The following MATN4 variants were observed in gnomAD, a reference collection of about 807,000 sequenced individuals.
The protein encoded by MATN4 is matrilin 4.
MATN4 carries 40 observed loss-of-function variants against 54.6 expected under a neutral mutation model. That is an observed-to-expected ratio of 0.73 (90% CI 0.57 to 0.95). The LOEUF (loss-of-function observed/expected upper bound fraction) is 0.95. Among genes scored for constraint, MATN4 ranks in the 40% least tolerant of loss-of-function variants. MATN4 has a pLI of 0.00. For synonymous variants in MATN4, 351 were observed against 345.3 expected, an observed-to-expected ratio of 1.02 and a Z score of -0.18; for missense variants, 810 against 819.1, an observed-to-expected ratio of 0.99 and a Z score of 0.13.
intron 3 of MATN4, among the ~76,000 whole-genome samples, chr20:45,302,488 A>C (rs1986293254): frequency 6.6e-6 from 1 of 152,260 alleles, no homozygotes; most frequent in Non-Finnish European, 1.5e-5. Flanking sequence ...TTCAGAAGAC[A>C]AAAATGAAGA....
At chr20:45,302,687 G>C (rs901349299) in intron 3 of MATN4, among the ~76,000 whole-genome samples, 1 of 152,198 alleles carries the variant, frequency 6.6e-6, no homozygotes, top group African/African-American at 2.4e-5. Flanking sequence ...ACAAAGAGCT[G>C]AGGTGCAGAG....
intron 3 of MATN4, 58 bp downstream of exon 3, chr20:45,304,170 G>A: frequency 7.3e-7 from 1 of 1,367,612 alleles, no homozygotes; most frequent in East Asian, 2.7e-5. Flanking sequence ...TGGTGGGAAA[G>A]GAATCCAAGC....
chr20:45,308,315 A>G, upstream of MATN4: 1 of 1,121,710 alleles, frequency 8.9e-7, no homozygotes, highest in Non-Finnish European at 1.4e-6. Flanking sequence ...ACACAGAGGC[A>G]ACGGCCGCAT....
Position 45,298,709 on chromosome 20 carries a change from T to C in MATN4, c.1013-126A>G. On this transcript the variant is annotated intron_variant, in intron 6 of 9. Coordinates refer to ENST00000372756, the MANE Select transcript of MATN4 (RefSeq NM_001393530.1). The surrounding 1 kb of genome is among the most constrained non-coding windows in gnomAD (Gnocchi z 4.6). ...GACAACATTTCCTGAGTCCTTCCTG[T>C]GCCAGGCAGTGTGCTAAGTAATAAT... 1 of 677,104 alleles carries C rather than the reference T, an allele frequency of 1.5e-6. No homozygotes were observed. The highest frequency in any genetic ancestry group is 2.4e-6 in the Non-Finnish European group (1 of 416,722). The allele number at this position is 677,104 out of a possible 1,614,324, so 41.9% of individuals were successfully genotyped here. A position where few individuals can be genotyped will look rare whatever the true frequency, so the allele number is the denominator to read the frequency against.
chr20:45,294,094 A>G (rs1402312090), intron 8 of MATN4, 79 bp from the exon 9 acceptor site: 4 of 1,098,358 alleles, frequency 3.6e-6, no homozygotes, highest in African/African-American at 3.1e-5. Flanking sequence ...CACTGGGCCT[A>G]TGGTTGAGTA....
chr20:45,296,200 G>A (rs1348969913), intron 8 of MATN4, among the ~76,000 whole-genome samples: 1 of 117,834 alleles, frequency 8.5e-6, no homozygotes, highest in Non-Finnish European at 1.6e-5. Flanking sequence ...GGATGACAGA[G>A]CGAGACTCCA....
intron 3 of MATN4, among the ~76,000 whole-genome samples, chr20:45,302,555 G>A (rs1460047196): frequency 6.6e-6 from 1 of 152,058 alleles, no homozygotes; most frequent in East Asian, 1.9e-4. Flanking sequence ...AGGATCTCTT[G>A]AGCCCAGGAG....
rs768272577 is a variant in MATN4, at chr20:45,298,274, C to T, written c.1322G>A (p.Gly441Asp). 1.9e-6 allele frequency: 3 copies of T among 1,613,440 alleles called. No homozygotes were observed. The highest frequency in any genetic ancestry group is 1.6e-4 in the Middle Eastern group (1 of 6,062). The change falls in exon 7 of 10, where the codon GGT (glycine) becomes GAT (aspartate). Residue 441 changes from glycine to aspartate, a missense_variant. Physicochemically the swap from Gly to Asp is moderately conservative, Grantham distance 94. Coordinates refer to ENST00000372756, the MANE Select transcript of MATN4 (RefSeq NM_001393530.1). The surrounding 1 kb of genome is among the most constrained non-coding windows in gnomAD (Gnocchi z 4.6). ...MVEHSFSEAQ[G>D]ARPRALNVPR... ...CACGTTAAGGGCACGGGGCCGTGCACCCTGCGCCTCGGAGAAGCTGTGCTC... is the reference window on the plus strand; with the variant it reads ...CACGTTAAGGGCACGGGGCCGTGCATCCTGCGCCTCGGAGAAGCTGTGCTC...
intron 6 of MATN4, among the ~76,000 whole-genome samples, chr20:45,300,396 C>T (rs1225252622): frequency 6.6e-6 from 1 of 152,072 alleles, no homozygotes; most frequent in Non-Finnish European, 1.5e-5. Context: ...TTTATCACAG[C>T]CCACAGTAAA....
chr20:45,307,781 C>G (rs1265664431), intron 1 of MATN4, among the ~76,000 whole-genome samples: 2 of 152,156 alleles, frequency 1.3e-5, no homozygotes, highest in African/African-American at 2.4e-5. Context: ...CTGAAGGGTA[C>G]ATGGCGATGT....
Position 45,303,082 on chromosome 20 carries a change from CAAAAAAA to C in MATN4, c.643+1139_643+1145del, listed in dbSNP as rs79635257. Among the ~76,000 whole-genome samples the C allele has an allele frequency of 4.4e-3, 368 of 82,918 alleles. 2 individuals are homozygous for C. The highest frequency in any genetic ancestry group is 5.9e-3 in the Admixed American group (43 of 7,344). The allele number at this position is 82,918 out of a possible 152,430, so 54.4% of individuals were successfully genotyped here. A position where few individuals can be genotyped will look rare whatever the true frequency, so the allele number is the denominator to read the frequency against. On this transcript the variant is annotated intron_variant, in intron 3 of 9. Transcript: ENST00000372756. ...TGGGCAATAGAGCCAGACTCTGTCT[CAAAAAAA>C]AAAAAAAAAAAAAAAGAGAGAGAGA...
At chr20:45,299,091 TC>T (rs1366467209) in intron 6 of MATN4, among the ~76,000 whole-genome samples, 1 of 152,218 alleles carries the variant, frequency 6.6e-6, no homozygotes. Flanking sequence ...GCCCCAGATT[TC>T]ATAGCTAGTA....
At chr20:45,297,763 G>A (rs1050566476) in intron 8 of MATN4, among the ~76,000 whole-genome samples, 155 bp downstream of exon 8, 11 of 152,208 alleles carry the variant, frequency 7.2e-5, no homozygotes, top group Admixed American at 2.0e-4. Flanking sequence ...CCGCCCTGCC[G>A]CTGGCCTGCA....
chr20:45,297,824 A>G (rs1985939771), intron 8 of MATN4, 94 bp downstream of exon 8: 19 of 1,495,216 alleles, frequency 1.3e-5, no homozygotes, highest in Non-Finnish European at 1.2e-5. Flanking sequence ...ACCTCTGGCT[A>G]TAACTACAAA....
At chr20:45,294,632 C>T (rs1256004793) in intron 8 of MATN4, among the ~76,000 whole-genome samples, 1 of 152,184 alleles carries the variant, frequency 6.6e-6, no homozygotes, top group Non-Finnish European at 1.5e-5. Flanking sequence ...TAGGTACTGC[C>T]TACCTTTTTG....
Position 45,301,085 on chromosome 20 carries a change from A to G in MATN4, c.889+17T>C, listed in dbSNP as rs1456314897. 1 of 1,614,094 alleles carries G rather than the reference A, an allele frequency of 6.2e-7. No homozygotes were observed. Among genetic ancestry groups the G allele is most frequent in the South Asian group, 1.1e-5 (1 of 91,078 alleles). On this transcript the variant is annotated intron_variant, in intron 5 of 9. Transcript: ENST00000372756. ...GATCTCTTACCCCTCCCACAAATGT[A>G]GGAGAGCCCTCCTCACCCTGACAGC...
At chr20:45,296,743 AG>A (rs1373092264) in intron 8 of MATN4, among the ~76,000 whole-genome samples, 2 of 152,150 alleles carry the variant, frequency 1.3e-5, no homozygotes, top group Non-Finnish European at 2.9e-5. Context: ...GAGAGCGGGG[AG>A]GGAAGGAGAG....
rs533358769 is a variant in MATN4 at position 45,308,222 on chromosome 20, C to T, written c.-82G>A. The stretch of plus-strand genomic sequence containing the variant: ...AGATGCAGCTGCAGAGCGAAGCCGA[C>T]AGGCGGAGCCTCCCGGGCACTTGGA... On this transcript the variant is annotated 5_prime_UTR_variant, in exon 1 of 10. Transcript: ENST00000372756. 8 of 1,613,808 alleles carry T rather than the reference C, an allele frequency of 5.0e-6. No homozygotes were observed. In the African/African-American group the frequency reaches 9.3e-5, roughly 19 times the overall value.
chr20:45,299,065 G>T (rs1986055065), intron 6 of MATN4, among the ~76,000 whole-genome samples: 1 of 152,130 alleles, frequency 6.6e-6, no homozygotes, highest in Non-Finnish European at 1.5e-5. Flanking sequence ...CTGAGGTTCT[G>T]ATGGATAAAG....
Sources: allele counts gnomAD v4.1 joint callset (sites outside exome capture counted in the v4.1 genomes callset), GRCh38; gene constraint gnomAD v4.1.1; non-coding constraint Gnocchi (gnomAD v3.1); transcripts MANE v1.5; gene names NCBI Gene and HGNC (gene_info 2026-07-23, HGNC 2026-07-21).